COL19A1: variants seen among roughly 807,000 people sequenced by gnomAD.
COL19A1 encodes collagen type XIX alpha 1 chain, also known as collagen alpha-1(XIX) chain.
Under a neutral mutation model 190.2 loss-of-function variants are expected in COL19A1, and 159 were observed. The ratio of observed to expected loss-of-function variants is 0.84; its 90% CI spans 0.73 to 0.95. The LOEUF is 0.95. COL19A1 is among the 40% of genes least tolerant of loss of function. The probability of loss-of-function intolerance (pLI) is 0.00; values close to 1 mark genes in which losing one functional copy is unlikely to be tolerated. For synonymous variants in COL19A1, 509 were observed against 458.9 expected, an observed-to-expected ratio of 1.11 and a Z score of -1.39; for missense variants, 1,418 against 1,431.9, an observed-to-expected ratio of 0.99 and a Z score of 0.16.
At chr6:70,086,270 C>G (rs974178558) in intron 15 of COL19A1, among the ~76,000 whole-genome samples, 9 of 151,904 alleles carry the variant, frequency 5.9e-5, no homozygotes, top group Admixed American at 5.9e-4. Flanking sequence ...ACACCCCTGC[C>G]CCACCCCCCT....
intron 44 of COL19A1, 66 bp downstream of exon 44, chr6:70,180,589 A>T: frequency 6.6e-7 from 1 of 1,507,164 alleles, no homozygotes; most frequent in Non-Finnish European, 9.2e-7. Context: ...CTCCTCATCT[A>T]CCACCTCAGA....
intron 9 of COL19A1, among the ~76,000 whole-genome samples, chr6:69,947,337 A>G (rs1429011342): frequency 2.0e-5 from 3 of 151,844 alleles, no homozygotes; most frequent in Non-Finnish European, 2.9e-5. Flanking sequence ...TTTTCCTGTA[A>G]TACCACAAAG....
In COL19A1 at chr6:70,163,447, G is replaced by A. The variant is rs1278461601; in HGVS notation, c.2400+51G>A. On this transcript the variant is annotated intron_variant, in intron 36 of 50. Transcript: ENST00000620364. ...ATCCAAACTGGGGCTTGGAGTGGGA[G>A]CAGGATGAGACTCTTCACAGAGAGA... The A allele has an allele frequency of 2.6e-6, 4 of 1,541,216 alleles. No individual in the cohort carries two copies. The African/African-American group carries it at 5.5e-5, about 21-fold the overall frequency.
rs1282697613 is a variant in COL19A1, at chr6:69,960,056, A to C, written c.981+16A>C. The stretch of plus-strand genomic sequence containing the variant: ...TGGTCAAAAGGTAAAGAGTTCTTGA[A>C]TGTTTCATCTGAGTTAAGAATTTTA... On this transcript the variant is annotated intron_variant, in intron 10 of 50. Coordinates refer to ENST00000620364, the MANE Select transcript of COL19A1 (RefSeq NM_001858.6). 3 of 1,606,294 alleles carry C rather than the reference A, an allele frequency of 1.9e-6. No individual in the cohort carries two copies. Among genetic ancestry groups the C allele is most frequent in the Non-Finnish European group, 2.5e-6 (3 of 1,176,746 alleles).
intron 14 of COL19A1, among the ~76,000 whole-genome samples, chr6:70,053,451 C>A (rs917185723): frequency 6.6e-6 from 1 of 152,114 alleles, no homozygotes; most frequent in African/African-American, 2.4e-5. Flanking sequence ...ACCCAATAGA[C>A]TGGAAAGTGA....
intron 11 of COL19A1, among the ~76,000 whole-genome samples, chr6:69,983,017 T>TAAAC (rs1562058685): frequency 2.0e-5 from 3 of 148,798 alleles, no homozygotes; most frequent in Admixed American, 6.7e-5. Flanking sequence ...AATAAATAAA[T>TAAAC]AAATATAAAA....
intron 4 of COL19A1, among the ~76,000 whole-genome samples, chr6:69,907,851 G>A (rs1770664678): frequency 6.6e-6 from 1 of 152,122 alleles, no homozygotes; most frequent in South Asian, 2.1e-4. Flanking sequence ...GTCACCATGG[G>A]CCAGGCACTT....
intron 14 of COL19A1, among the ~76,000 whole-genome samples, chr6:70,038,838 C>T (rs1228763430): frequency 6.6e-6 from 1 of 152,104 alleles, no homozygotes; most frequent in Non-Finnish European, 1.5e-5. Flanking sequence ...AGTTAGCTGC[C>T]TTTTCCCATA....
intron 4 of COL19A1, among the ~76,000 whole-genome samples, chr6:69,902,870 G>A (rs1263808709): frequency 6.6e-6 from 1 of 152,188 alleles, no homozygotes; most frequent in Non-Finnish European, 1.5e-5. Context: ...GAGGGGCTTG[G>A]AGGGTCCATG....
chr6:69,931,307 TC>T (rs1363020050), intron 6 of COL19A1, among the ~76,000 whole-genome samples: 1 of 152,132 alleles, frequency 6.6e-6, no homozygotes, highest in African/African-American at 2.4e-5. Context: ...GCATTCTCCT[TC>T]TAAAGCACTA....
At chr6:69,939,572 A>G (rs1207224724) in intron 9 of COL19A1, among the ~76,000 whole-genome samples, 1 of 152,114 alleles carries the variant, frequency 6.6e-6, no homozygotes, top group Non-Finnish European at 1.5e-5. Context: ...TCTAAAAGCA[A>G]TTCAGTATTA....
intron 44 of COL19A1, among the ~76,000 whole-genome samples, chr6:70,184,126 A>G (rs1212136927): frequency 6.6e-6 from 1 of 152,188 alleles, no homozygotes; most frequent in East Asian, 1.9e-4. Context: ...CTTTTCTTTC[A>G]TATTTCCAAC....
In COL19A1 at chr6:70,207,794, C is replaced by A. The variant is rs1186748187; in HGVS notation, c.*520C>A. 2 of 152,024 alleles carry A rather than the reference C, an allele frequency of 1.3e-5. No homozygotes were observed. Among genetic ancestry groups the A allele is most frequent in the African/African-American group, 4.8e-5 (2 of 41,392 alleles). The allele number at this position is 152,024 out of a possible 1,614,324, so 9.4% of individuals were successfully genotyped here. On this transcript the variant is annotated 3_prime_UTR_variant, in exon 51 of 51. Transcript: ENST00000620364. ...TTTTTATAACTTAAGAATTTTTATA[C>A]CATCTACATCTATCCTACTTATGCA...
intron 14 of COL19A1, among the ~76,000 whole-genome samples, chr6:70,050,750 A>G (rs987006357): frequency 1.3e-5 from 2 of 152,128 alleles, no homozygotes; most frequent in Non-Finnish European, 2.9e-5. Context: ...CAGCAATAAC[A>G]ATATTAATGT....
intron 44 of COL19A1, among the ~76,000 whole-genome samples, chr6:70,181,841 A>G (rs554127251): frequency 1.4e-4 from 22 of 152,244 alleles, no homozygotes; most frequent in South Asian, 2.1e-4. Flanking sequence ...GGAAAAAGAA[A>G]TGGCTAGGAG....
chr6:70,109,547 T>A (rs1368996290), intron 16 of COL19A1, among the ~76,000 whole-genome samples: 1 of 102,418 alleles, frequency 9.8e-6, no homozygotes, highest in Non-Finnish European at 1.8e-5. Context: ...TGTAAGTGTG[T>A]GTGTGTGTGT....
At chr6:70,066,347 G>A (rs905986975) in intron 14 of COL19A1, among the ~76,000 whole-genome samples, 11 of 151,796 alleles carry the variant, frequency 7.2e-5, no homozygotes, top group Non-Finnish European at 1.3e-4. Flanking sequence ...ACTATCACAA[G>A]GACAAAAAAA....
intron 42 of COL19A1, 64 bp downstream of exon 42, chr6:70,176,628 T>A: frequency 1.3e-6 from 2 of 1,537,392 alleles, no homozygotes; most frequent in South Asian, 2.3e-5. Flanking sequence ...GATACACCTG[T>A]GGCCAGGGAT....
chr6:70,074,118 C>G (rs556124150), intron 15 of COL19A1, among the ~76,000 whole-genome samples: 2 of 152,268 alleles, frequency 1.3e-5, no homozygotes, highest in African/African-American at 4.8e-5. Flanking sequence ...CCCTCATAGT[C>G]TAGCCATGCT....
Sources: gnomAD v4.1 joint callset for allele counts (sites outside exome capture counted in the v4.1 genomes callset) on GRCh38, gnomAD v4.1.1 for gene constraint, MANE v1.5 for transcripts, NCBI Gene and HGNC (gene_info 2026-07-23, HGNC 2026-07-21) for gene names.